FRMD6: variants seen among roughly 807,000 people sequenced by gnomAD.
FRMD6 encodes FERM domain containing 6.
In FRMD6, 37 loss-of-function variants were observed where a neutral mutation model predicts 73.2. The observed-to-expected ratio is 0.51, with a 90% CI of 0.39 to 0.66. The LOEUF is 0.66. Among genes scored for constraint, FRMD6 ranks in the 30% least tolerant of loss-of-function variants. The pLI is 0.00. For synonymous variants in FRMD6, 273 were observed against 282.2 expected, an observed-to-expected ratio of 0.97 and a Z score of 0.33; for missense variants, 714 against 780.5, an observed-to-expected ratio of 0.91 and a Z score of 1.02.
intron 2 of FRMD6, among the ~76,000 whole-genome samples, chr14:51,596,388 T>C (rs1210908627): frequency 6.6e-6 from 1 of 152,060 alleles, no homozygotes. Flanking sequence ...AGCCTGAGGT[T>C]GGGAGGTGAT....
chr14:51,512,558 C>T (rs2140261321), intron 1 of FRMD6, among the ~76,000 whole-genome samples: 1 of 152,234 alleles, frequency 6.6e-6, no homozygotes, highest in South Asian at 2.1e-4. Context: ...GCCCTTAAAG[C>T]TAGCCCATGC....
At chr14:51,616,605 A>G (rs966238932) in intron 2 of FRMD6, among the ~76,000 whole-genome samples, 1 of 152,134 alleles carries the variant, frequency 6.6e-6, no homozygotes, top group African/African-American at 2.4e-5. Flanking sequence ...TTTGGGGCTG[A>G]TCCTAAGGTG....
intron 1 of FRMD6, among the ~76,000 whole-genome samples, chr14:51,506,696 G>A (rs1368675910): frequency 6.6e-6 from 1 of 152,176 alleles, no homozygotes; most frequent in East Asian, 1.9e-4. Context: ...TTCCCCTTAA[G>A]GGAATGATCT....
At chr14:51,467,807 C>A in the FRMD6 span, among the ~76,000 whole-genome samples, 10 of 133,454 alleles carry the variant, frequency 7.5e-5, no homozygotes, top group African/African-American at 2.9e-4. Context: ...ACTTCCCAGA[C>A]TGGGCGGCCG....
chr14:51,470,392 T>G, the FRMD6 span, among the ~76,000 whole-genome samples: 949 of 151,960 alleles, frequency 6.2e-3, 5 homozygotes, highest in Non-Finnish European at 0.011. Flanking sequence ...GGCAGCTACT[T>G]GGGAGGCTGA....
the FRMD6 span, among the ~76,000 whole-genome samples, chr14:51,482,674 C>CTGTGTGTGTGTGTGTG: frequency 0.019 from 2,898 of 148,828 alleles, 93 homozygotes; most frequent in African/African-American, 0.068. Context: ...TTTGCAGGAA[C>CTGTGTGTGTGTGTGTG]TGTGTGTGTG....
At chr14:51,651,739 G>A (rs1021744865), upstream of FRMD6, 2 of 147,546 alleles carry the variant, frequency 1.4e-5, no homozygotes, top group African/African-American at 5.0e-5. Flanking sequence ...GTACTGCCGC[G>A]AGCTCAGCGC....
chr14:51,553,547 G>A (rs1288682892), intron 1 of FRMD6, among the ~76,000 whole-genome samples: 2 of 152,126 alleles, frequency 1.3e-5, no homozygotes, highest in Non-Finnish European at 2.9e-5. Context: ...CTGAGTTTCT[G>A]GTTATTAAGA....
rs143710280 is a variant in FRMD6 at position 51,633,621 on chromosome 14, A to AAAAAAG, written c.-146-56070_-146-56069insAAAAAG. ...GTCAAAAAAAAAAAAAAAAAAAAAA[A>AAAAAAG]GAAATAATTATATGTCATAGTTTAA... On this transcript the variant is annotated intron_variant, in intron 2 of 14. Coordinates refer to the FRMD6 transcript ENST00000356218. Among the ~76,000 whole-genome samples, 92 of 99,366 alleles carry AAAAAAG rather than the reference A, an allele frequency of 9.3e-4. 7 individuals carry two copies. The highest frequency in any genetic ancestry group is 1.3e-3 in the South Asian group (4 of 3,160). The allele number at this position is 99,366 out of a possible 152,430, so 65.2% of individuals were successfully genotyped here.
intron 2 of FRMD6, among the ~76,000 whole-genome samples, chr14:51,613,311 T>G (rs1029558887): frequency 1.3e-5 from 2 of 152,110 alleles, no homozygotes; most frequent in East Asian, 1.9e-4. Context: ...TAATGATTGT[T>G]TGCATGTGTG....
At chr14:51,511,160 C>T (rs1329151292) in intron 1 of FRMD6, among the ~76,000 whole-genome samples, 1 of 152,110 alleles carries the variant, frequency 6.6e-6, no homozygotes, top group Non-Finnish European at 1.5e-5. Context: ...CAGATATTCC[C>T]CACACAGAAG....
chr14:51,549,721 G>C (rs1445644346), intron 1 of FRMD6, among the ~76,000 whole-genome samples: 1 of 144,808 alleles, frequency 6.9e-6, no homozygotes, highest in East Asian at 2.1e-4. Context: ...TCAGCCTCCC[G>C]AGTAGCTGGG....
At chr14:51,540,764 A>T (rs117804381) in intron 1 of FRMD6, among the ~76,000 whole-genome samples, 78 of 152,248 alleles carry the variant, frequency 5.1e-4, no homozygotes, top group Non-Finnish European at 9.0e-4. Context: ...CAAATAAATG[A>T]AATAATTGTT....
At position 51,727,748 on chromosome 14, in the gene FRMD6, A is replaced by AT; in HGVS notation, c.1589dup (p.Cys531MetfsTer9). On this transcript the variant is annotated frameshift_variant, in exon 14 of 14. Coordinates refer to ENST00000344768, the MANE Select transcript of FRMD6 (RefSeq NM_001267046.2). LOFTEE classifies it high-confidence loss of function. ...TCATCCTTCCCTTATCTTGCAGACTATATGTCGGAAACCAAAGACCTCCAC... is the reference window on the plus strand; with the variant it reads ...TCATCCTTCCCTTATCTTGCAGACTATTATGTCGGAAACCAAAGACCTCCAC... 1 of 1,596,084 alleles carries AT rather than the reference A, an allele frequency of 6.3e-7. No homozygotes were observed. The highest frequency in any genetic ancestry group is 8.6e-7 in the Non-Finnish European group (1 of 1,165,282).
the FRMD6 span, among the ~76,000 whole-genome samples, chr14:51,477,333 A>G: frequency 6.6e-6 from 1 of 152,196 alleles, no homozygotes; most frequent in African/African-American, 2.4e-5. Flanking sequence ...TGTTCACCCA[A>G]CGTGATGTTT....
At chr14:51,653,657 CAG>C (rs1892597672) in intron 1 of FRMD6, among the ~76,000 whole-genome samples, 1 of 152,144 alleles carries the variant, frequency 6.6e-6, no homozygotes, top group Admixed American at 6.5e-5. Context: ...GGCAGGAAAA[CAG>C]ATGCCTTTGC....
chr14:51,426,912 T>A, the FRMD6 span, among the ~76,000 whole-genome samples: 1 of 152,204 alleles, frequency 6.6e-6, no homozygotes, highest in Admixed American at 6.5e-5. Flanking sequence ...AGCTTAGAGC[T>A]GACAGAGCAG....
At chr14:51,655,264 C>T (rs1209652631) in intron 1 of FRMD6, among the ~76,000 whole-genome samples, 1 of 152,114 alleles carries the variant, frequency 6.6e-6, no homozygotes, top group Non-Finnish European at 1.5e-5. Context: ...GTTTGTTGCA[C>T]ACATTAAAAT....
chr14:51,467,627 A>G, the FRMD6 span, among the ~76,000 whole-genome samples: 1 of 151,914 alleles, frequency 6.6e-6, no homozygotes, highest in Non-Finnish European at 1.5e-5. Context: ...GGCCGGTCAG[A>G]GACGCTCCTC....
Sources: gnomAD v4.1 joint callset for allele counts (sites outside exome capture counted in the v4.1 genomes callset) on GRCh38, gnomAD v4.1.1 for gene constraint, MANE v1.5 for transcripts, NCBI Gene and HGNC (gene_info 2026-07-23, HGNC 2026-07-21) for gene names.